Variants in GDAP1 observed in about 807,000 individuals in gnomAD.
The protein encoded by GDAP1 is ganglioside-induced differentiation-associated protein 1.
In GDAP1, 34 loss-of-function variants were observed where a neutral mutation model predicts 40.1. The observed-to-expected ratio is 0.85, with a 90% CI of 0.64 to 1.13. The LOEUF (loss-of-function observed/expected upper bound fraction) is 1.13, where lower values mean the gene tolerates loss of function less well. GDAP1 is among the 50% of genes most tolerant of loss of function. GDAP1 has a pLI of 0.00. For missense variants in GDAP1, 374 were observed against 433.7 expected (o/e 0.86, Z 1.22); for synonymous variants, 170 against 157.4 (o/e 1.08, Z -0.60).
intron 2 of GDAP1, among the ~76,000 whole-genome samples, chr8:74,487,983 G>A (rs547852226): frequency 6.6e-6 from 1 of 152,108 alleles, no homozygotes; most frequent in African/African-American, 2.4e-5. Flanking sequence ...CAACAGACTT[G>A]TTCATATGCC....
intron 2 of GDAP1, among the ~76,000 whole-genome samples, chr8:74,384,726 C>T (rs1425155516): frequency 6.6e-6 from 1 of 152,162 alleles, no homozygotes; most frequent in African/African-American, 2.4e-5. Context: ...CACTAAGTAA[C>T]ACTGTAAGAA....
intron 2 of GDAP1, among the ~76,000 whole-genome samples, chr8:74,431,722 C>A (rs1211186881): frequency 6.6e-6 from 1 of 151,978 alleles, no homozygotes; most frequent in Non-Finnish European, 1.5e-5. Context: ...ACCTCGTGAT[C>A]TGCCTGCGTC....
At chr8:74,353,872 T>C (rs1808986137) in intron 2 of GDAP1, among the ~76,000 whole-genome samples, 1 of 152,210 alleles carries the variant, frequency 6.6e-6, no homozygotes, top group Non-Finnish European at 1.5e-5. Flanking sequence ...TTGTGAATAG[T>C]TATTTAAATA....
chr8:74,366,551 G>A lies in GDAP1; in HGVS notation c.*2184G>A. 2.2e-6 allele frequency: 1 copy of A among 453,746 alleles called. No homozygotes were observed. The highest frequency in any genetic ancestry group is 4.4e-6 in the Non-Finnish European group (1 of 226,614). The allele number at this position is 453,746 out of a possible 1,614,324, so 28.1% of individuals were successfully genotyped here. ...CACTTATGTGTATTTTCTTTTTCAT[G>A]ATTATCGGTGACTGGTCAGTGTACT... On this transcript the variant is annotated 3_prime_UTR_variant, in exon 6 of 6. Transcript: ENST00000220822.
intron 2 of GDAP1, among the ~76,000 whole-genome samples, chr8:74,355,918 A>G (rs1809071442): frequency 6.6e-6 from 1 of 152,120 alleles, no homozygotes; most frequent in African/African-American, 2.4e-5. Flanking sequence ...TAGGATATCT[A>G]AATTTATAGA....
chr8:74,463,098 T>TAAAAAAAAA (rs1806421209), intron 2 of GDAP1, among the ~76,000 whole-genome samples: 1 of 574 alleles, frequency 1.7e-3, no homozygotes, highest in Non-Finnish European at 5.2e-3. Flanking sequence ...ATAACATTTC[T>TAAAAAAAAA]AAGATTGATC....
In GDAP1 at chr8:74,360,287, C is replaced by T; in HGVS notation, c.461C>T (p.Ala154Val). ...TTAACTGTGGACTCCATGATCCCGGCTTATGCAACTACAAGGATTCGTAGT... is the reference window on the plus strand; with the variant it reads ...TTAACTGTGGACTCCATGATCCCGGTTTATGCAACTACAAGGATTCGTAGT... ...PELTVDSMIP[A>V]YATTRIRSQI... The change falls in exon 3 of 6, where the codon GCT becomes GTT. Residue 154 changes from alanine (A) to valine (V), a missense_variant. Transcript: ENST00000220822. 1 of 1,613,836 alleles carries T rather than the reference C, an allele frequency of 6.2e-7. No homozygotes were observed. The highest frequency in any genetic ancestry group is 1.1e-5 in the South Asian group (1 of 91,068).
At chr8:74,351,588 A>C in intron 2 of GDAP1, 122 bp downstream of exon 2, 2 of 850,264 alleles carry the variant, frequency 2.4e-6, no homozygotes, top group Non-Finnish European at 4.1e-6. Flanking sequence ...TTTGGGATTA[A>C]AAACCTTTTC....
At chr8:74,371,332 T>A (rs1218612831), downstream of GDAP1, among the ~76,000 whole-genome samples, 1 of 152,228 alleles carries the variant, frequency 6.6e-6, no homozygotes, top group Non-Finnish European at 1.5e-5. Context: ...ATAGCACATT[T>A]GTAACCCATG....
At chr8:74,373,087 C>T (rs1478666023) in intron 2 of GDAP1, among the ~76,000 whole-genome samples, 2 of 152,186 alleles carry the variant, frequency 1.3e-5, no homozygotes, top group Non-Finnish European at 2.9e-5. Context: ...GGTACTATTT[C>T]TGAGGGCTCT....
chr8:74,475,000 G>C (rs1421408379), intron 2 of GDAP1, among the ~76,000 whole-genome samples: 1 of 151,978 alleles, frequency 6.6e-6, no homozygotes, highest in Non-Finnish European at 1.5e-5. Context: ...TCCTGGTTCA[G>C]TATTGGGACA....
At position 74,364,593 on chromosome 8, in the gene GDAP1, GA is replaced by G. The variant is rs1389585458; in HGVS notation, c.*227del. The G allele has an allele frequency of 6.0e-6, 4 of 663,636 alleles. No homozygotes were observed. Among genetic ancestry groups the G allele is most frequent in the Admixed American group, 4.1e-5 (2 of 48,774 alleles). The allele number at this position is 663,636 out of a possible 1,614,324, so 41.1% of individuals were successfully genotyped here. Reference sequence around the variant, plus strand: ...CAGAAATAGGAAGGCAAAGAGATAAGAGAAGGAAAAATGAGAGAATGAAGTC... The same window carrying G: ...CAGAAATAGGAAGGCAAAGAGATAAGGAAGGAAAAATGAGAGAATGAAGTC... On this transcript the variant is annotated 3_prime_UTR_variant, in exon 6 of 6. Transcript: ENST00000220822.
intron 2 of GDAP1, among the ~76,000 whole-genome samples, chr8:74,386,586 A>G (rs1810028960): frequency 6.6e-6 from 1 of 152,180 alleles, no homozygotes; most frequent in Non-Finnish European, 1.5e-5. Context: ...TTGTTACTGT[A>G]GCCTTGTAAT....
At position 74,350,456 on chromosome 8, in the gene GDAP1, C is replaced by T. The variant is rs752831336; in HGVS notation, c.-6C>T. The T allele has an allele frequency of 5.0e-6, 8 of 1,589,330 alleles. 1 individual carries two copies. Among genetic ancestry groups the T allele is most frequent in the Middle Eastern group, 1.7e-4 (1 of 6,000 alleles). On this transcript the variant is annotated 5_prime_UTR_variant, in exon 1 of 6. Transcript: ENST00000220822. ...GCTGGGCGCACCCGTGCTCGCGCAC[C>T]CCAAGATGGCTGAGAGGCAGGAAGA...
intron 2 of GDAP1, among the ~76,000 whole-genome samples, chr8:74,402,174 A>T (rs1329671745): frequency 6.6e-6 from 1 of 150,480 alleles, no homozygotes; most frequent in African/African-American, 2.5e-5. Context: ...CTACAGAGGC[A>T]GGCAGGCCTC....
chr8:74,376,595 C>G (rs981528529), intron 2 of GDAP1: 1 of 152,212 alleles, frequency 6.6e-6, no homozygotes. Context: ...GTGATCTGCC[C>G]GCCTTGGCCT....
intron 2 of GDAP1, among the ~76,000 whole-genome samples, chr8:74,471,060 T>C (rs1161287644): frequency 1.3e-5 from 2 of 152,226 alleles, no homozygotes; most frequent in Admixed American, 6.5e-5. Flanking sequence ...TTTTGAGAGG[T>C]GTCTGTTCAT....
At chr8:74,472,255 A>G (rs57200532) in intron 2 of GDAP1, among the ~76,000 whole-genome samples, 1,753 of 152,298 alleles carry the variant, frequency 0.012, 25 homozygotes, top group African/African-American at 0.04. Context: ...TGTCCCTGCA[A>G]AGGACATGAT....
At chr8:74,421,606 A>G (rs1805858334) in intron 2 of GDAP1, among the ~76,000 whole-genome samples, 1 of 150,966 alleles carries the variant, frequency 6.6e-6, no homozygotes, top group African/African-American at 2.5e-5. Context: ...ACTTACAGCA[A>G]GCTGCACAGT....
Sources: gnomAD v4.1 joint callset for allele counts (sites outside exome capture counted in the v4.1 genomes callset) on GRCh38, gnomAD v4.1.1 for gene constraint, MANE v1.5 for transcripts, NCBI Gene and HGNC (gene_info 2026-07-23, HGNC 2026-07-21) for gene names.